CACNA1D: variants seen among roughly 807,000 people sequenced by gnomAD.
CACNA1D encodes the protein calcium voltage-gated channel subunit alpha1 D, also known as voltage-dependent L-type calcium channel subunit alpha-1D.
A neutral mutation model predicts 257.1 loss-of-function variants in CACNA1D; 55 were observed. The observed-to-expected ratio is 0.21, with a 90% CI of 0.17 to 0.27. CACNA1D has a LOEUF of 0.27. Among genes scored for constraint, CACNA1D ranks in the 10% least tolerant of loss-of-function variants. The pLI is 1.00. For synonymous variants in CACNA1D, 980 were observed against 1,014.9 expected (o/e 0.97, Z 0.65); for missense variants, 1,876 against 2,784.0 (o/e 0.67, Z 7.34).
At chr3:53,574,679 C>T (rs1417318921) in intron 3 of CACNA1D, among the ~76,000 whole-genome samples, 1 of 151,904 alleles carries the variant, frequency 6.6e-6, no homozygotes, top group Admixed American at 6.5e-5. Flanking sequence ...ACTCACACCC[C>T]CCAGCAGACG....
chr3:53,757,028 T>C (rs969493630), intron 29 of CACNA1D, among the ~76,000 whole-genome samples: 2 of 152,146 alleles, frequency 1.3e-5, no homozygotes, highest in Non-Finnish European at 2.9e-5. Flanking sequence ...AGAAATTAGG[T>C]TTGGGGAAAG....
At chr3:53,769,739 C>G (rs2095356090) in intron 30 of CACNA1D, among the ~76,000 whole-genome samples, 1 of 152,214 alleles carries the variant, frequency 6.6e-6, no homozygotes, top group Non-Finnish European at 1.5e-5. Context: ...TCAGCCTGGG[C>G]ACAGCATGTC....
At chr3:53,615,900 G>A (rs939564474) in intron 3 of CACNA1D, among the ~76,000 whole-genome samples, 1 of 152,148 alleles carries the variant, frequency 6.6e-6, no homozygotes, top group Non-Finnish European at 1.5e-5. Flanking sequence ...ACACTGTATC[G>A]ATAGCAGGTT....
At chr3:53,712,396 T>C (rs570685924) in intron 9 of CACNA1D, among the ~76,000 whole-genome samples, 5 of 152,352 alleles carry the variant, frequency 3.3e-5, no homozygotes, top group Non-Finnish European at 7.3e-5. Context: ...AGATAGTTAT[T>C]GTCTGGGCAT....
At chr3:53,616,173 C>T (rs908989102) in intron 3 of CACNA1D, among the ~76,000 whole-genome samples, 2 of 152,300 alleles carry the variant, frequency 1.3e-5, no homozygotes, top group East Asian at 3.9e-4. Context: ...ATGCTAAGGG[C>T]TGTGCACGTA....
At chr3:53,731,944 A>G in intron 17 of CACNA1D, 72 bp from the exon 18 acceptor site, 1 of 957,246 alleles carries the variant, frequency 1.0e-6, no homozygotes, top group Non-Finnish European at 1.7e-6. Flanking sequence ...CTGGACCACC[A>G]GGGTGACTTT....
chr3:53,574,342 C>T lies in CACNA1D; in HGVS notation c.483+72622C>T, dbSNP rs185329154. Among the ~76,000 whole-genome samples, 454 of 152,240 alleles carry T rather than the reference C, an allele frequency of 3.0e-3. 3 individuals are homozygous for T. The highest frequency in any genetic ancestry group is 0.02 in the Middle Eastern group (6 of 294). ...TCATTCTCCTTTGAACCCTTCTCAC[C>T]GGATCTCCATCATGAGGGGACTCTC... On this transcript the variant is annotated intron_variant, in intron 3 of 47. Coordinates refer to ENST00000350061, the MANE Select transcript of CACNA1D (RefSeq NM_001128840.3).
At chr3:53,780,197 C>A in intron 38 of CACNA1D, 69 bp downstream of exon 38, 1 of 1,251,344 alleles carries the variant, frequency 8.0e-7, no homozygotes, top group Non-Finnish European at 1.2e-6. Flanking sequence ...ATCTTGCCTT[C>A]CTCATCTGGG....
Position 53,800,349 on chromosome 3 carries a change from A to C in CACNA1D, c.5024A>C (p.Glu1675Ala). ...DEPEETKREE[E>A]DDVFKRNGAL... ...CCTGAGGAAACAAAACGAGAAGAAG[A>C]AGATGATGTGTTCAAAGTAATTATT... is the stretch of plus-strand genomic sequence containing the variant. Residue 1675 changes from glutamate (E) to alanine (A), a missense_variant, in exon 41 of 48, where the codon GAA becomes GCA. Around this residue, in one of 10 missense-constraint regions of CACNA1D, gnomAD observed 160 missense variants for 236.6 expected, o/e 0.68. Transcript: ENST00000350061. This position sits in a 1 kb window ranked among gnomAD's most constrained non-coding sequence, Gnocchi z 4.3. 6.2e-7 allele frequency: 1 copy of C among 1,608,458 alleles called. No individual in the cohort carries two copies. The highest frequency in any genetic ancestry group is 2.2e-5 in the East Asian group (1 of 44,860).
At chr3:53,777,125 AC>A (rs1196176857) in intron 37 of CACNA1D, among the ~76,000 whole-genome samples, 169 bp downstream of exon 37, 4 of 152,192 alleles carry the variant, frequency 2.6e-5, no homozygotes, top group Non-Finnish European at 5.9e-5. Context: ...AACTCTTTGG[AC>A]ACCCTCTCAG....
chr3:53,791,225 C>T, intron 40 of CACNA1D: 1 of 569,622 alleles, frequency 1.8e-6, no homozygotes, highest in South Asian at 2.2e-5. Context: ...GCCAGGGCTG[C>T]CTGTCGCGGA....
intron 15 of CACNA1D, among the ~76,000 whole-genome samples, chr3:53,729,224 G>A (rs1012775341): frequency 2.0e-5 from 3 of 152,146 alleles, no homozygotes; most frequent in Non-Finnish European, 4.4e-5. Context: ...CATGTCAAAG[G>A]CTTTTTGAGT....
chr3:53,753,185 T>G (rs1049580727), intron 28 of CACNA1D, among the ~76,000 whole-genome samples: 1 of 152,224 alleles, frequency 6.6e-6, no homozygotes, highest in Admixed American at 6.5e-5. Context: ...TGCCTTTTAT[T>G]CAACATAAAC....
chr3:53,564,036 A>G (rs1027490418), intron 3 of CACNA1D, among the ~76,000 whole-genome samples: 5 of 152,234 alleles, frequency 3.3e-5, no homozygotes, highest in African/African-American at 1.2e-4. Flanking sequence ...TGGTTCTAAA[A>G]TGATATATCA....
At chr3:53,646,963 A>G (rs2094027844) in intron 3 of CACNA1D, among the ~76,000 whole-genome samples, 1 of 152,244 alleles carries the variant, frequency 6.6e-6, no homozygotes, top group Non-Finnish European at 1.5e-5. Flanking sequence ...AAGATTCTGT[A>G]CAGCATTAAC....
intron 3 of CACNA1D, among the ~76,000 whole-genome samples, chr3:53,607,589 G>A (rs1212925482): frequency 1.3e-5 from 2 of 152,218 alleles, no homozygotes; most frequent in Admixed American, 6.5e-5. Context: ...CCTGTCTTAT[G>A]TAACTAAATT....
At chr3:53,768,450 G>A (rs956651440) in intron 30 of CACNA1D, among the ~76,000 whole-genome samples, 1 of 152,148 alleles carries the variant, frequency 6.6e-6, no homozygotes, top group African/African-American at 2.4e-5. Context: ...AGAATGATGT[G>A]GAAAATGATG....
At chr3:53,693,996 A>G (rs1342558628) in intron 8 of CACNA1D, among the ~76,000 whole-genome samples, 2 of 152,236 alleles carry the variant, frequency 1.3e-5, no homozygotes, top group Non-Finnish European at 2.9e-5. Flanking sequence ...CGTTTAAGAA[A>G]TAAAAGTTCC....
In CACNA1D at chr3:53,811,732, A is replaced by G. The variant is rs7614233; in HGVS notation, c.*326A>G. ...CACTGCTGTGGAGTCTGCTTCTCCC[A>G]TGTACCAGGGCACCAGGCCCACCCA... On this transcript the variant is annotated 3_prime_UTR_variant, in exon 48 of 48. Transcript: ENST00000350061. This position sits in a 1 kb window ranked among gnomAD's most constrained non-coding sequence, Gnocchi z 4.2. The G allele has an allele frequency of 4.5e-3, 961 of 215,660 alleles. 8 individuals are homozygous for G. The highest frequency in any genetic ancestry group is 0.02 in the African/African-American group (890 of 43,696). The allele number at this position is 215,660 out of a possible 1,614,324, so 13.4% of individuals were successfully genotyped here. A position where few individuals can be genotyped will look rare whatever the true frequency, so the allele number is the denominator to read the frequency against.
Sources: gnomAD v4.1 joint callset for allele counts (sites outside exome capture counted in the v4.1 genomes callset) on GRCh38, gnomAD v4.1.1 for gene constraint, gnomAD v4.1.1 regional missense constraint, Gnocchi (gnomAD v3.1) non-coding constraint, MANE v1.5 for transcripts, NCBI Gene and HGNC (gene_info 2026-07-23, HGNC 2026-07-21) for gene names.